Variants in LUC7L2 observed in about 807,000 individuals in gnomAD.
LUC7L2 encodes putative RNA-binding protein Luc7-like 2.
LUC7L2 carries 25 observed loss-of-function variants against 52.8 expected under a neutral mutation model. The ratio of observed to expected loss-of-function variants is 0.47; its 90% CI spans 0.34 to 0.66. The LOEUF (loss-of-function observed/expected upper bound fraction) is 0.66. Among genes scored for constraint, LUC7L2 ranks in the 30% least tolerant of loss-of-function variants. The pLI is 0.01. For synonymous variants in LUC7L2, 144 were observed against 160.9 expected, an observed-to-expected ratio of 0.89 and a Z score of 0.80; for missense variants, 328 against 497.8, an observed-to-expected ratio of 0.66 and a Z score of 3.25.
At chr7:139,420,428 C>G (rs1454011238) in intron 9 of LUC7L2, among the ~76,000 whole-genome samples, 1 of 152,114 alleles carries the variant, frequency 6.6e-6, no homozygotes, top group Non-Finnish European at 1.5e-5. Flanking sequence ...GTCTCAAACT[C>G]CCGACCTCAG....
Position 139,411,810 on chromosome 7 carries a change from C to T in LUC7L2, c.780-741C>T, listed in dbSNP as rs185652942. On this transcript the variant is annotated intron_variant, in intron 7 of 9. Coordinates refer to ENST00000354926, the MANE Select transcript of LUC7L2 (RefSeq NM_016019.5). ...AGATTATAGTATGAGGTTGTAGCTC[C>T]AAGAGTATGTAGATCTCAGACCATA... Among the ~76,000 whole-genome samples the T allele has an allele frequency of 1.2e-3, 186 of 152,084 alleles. 1 individual carries two copies. The highest frequency in any genetic ancestry group is 4.2e-3 in the African/African-American group (175 of 41,476).
rs1029002048 is a variant in LUC7L2 at position 139,422,562 on chromosome 7, C to G, written c.*222C>G. ...AACCTGTAATACAGTTCTGAAAGTACAGTTTTATATAATAAGATGCTGATC... is the reference window on the plus strand; with the variant it reads ...AACCTGTAATACAGTTCTGAAAGTAGAGTTTTATATAATAAGATGCTGATC... On this transcript the variant is annotated 3_prime_UTR_variant, in exon 10 of 10. Transcript: ENST00000354926. 4.4e-6 allele frequency: 4 copies of G among 913,758 alleles called. No homozygotes were observed. Among genetic ancestry groups the G allele is most frequent in the Non-Finnish European group, 5.8e-6 (4 of 688,754 alleles). The allele number at this position is 913,758 out of a possible 1,614,324, so 56.6% of individuals were successfully genotyped here.
chr7:139,390,310 G>T lies in LUC7L2; in HGVS notation c.157-8289G>T, dbSNP rs184433838. On this transcript the variant is annotated intron_variant, in intron 2 of 9. Transcript: ENST00000354926. ...GGGTCTCAATCTGTCCCCCAGGCTG[G>T]AGTGCAGTGGCGCCATCTCCACTCA... Among the ~76,000 whole-genome samples the T allele has an allele frequency of 1.3e-3, 192 of 151,268 alleles. 2 individuals are homozygous for T. The highest frequency in any genetic ancestry group is 1.6e-3 in the East Asian group (8 of 5,150).
chr7:139,340,730 C>T (rs1342312781), intron 1 of LUC7L2: 4 of 383,548 alleles, frequency 1.0e-5, no homozygotes, highest in East Asian at 3.8e-5. Context: ...AAGGCATTGG[C>T]CTCCTAAGCC....
rs966598172 is a variant in LUC7L2, at chr7:139,405,667, T to C, written c.390T>C (p.Asn130=). The C allele has an allele frequency of 2.5e-6, 4 of 1,608,920 alleles. No individual in the cohort carries two copies. Among genetic ancestry groups the C allele is most frequent in the Non-Finnish European group, 3.4e-6 (4 of 1,178,742 alleles). Residue 130 remains asparagine, a synonymous_variant, in exon 5 of 10, where the codon AAT becomes AAC. Coordinates refer to ENST00000354926, the MANE Select transcript of LUC7L2 (RefSeq NM_016019.5). ...AAKAERVHEL[N]EEIGKLLAKV... is the part of the protein sequence containing the mutation. The stretch of plus-strand genomic sequence containing the variant: ...AGGCAGAACGTGTTCATGAGTTAAA[T>C]GAAGAAATTGGTAAATTGTTAGCCA...
chr7:139,412,527 A>G, intron 7 of LUC7L2, 24 bp from the exon 8 acceptor site: 1 of 1,579,726 alleles, frequency 6.3e-7, no homozygotes, highest in Non-Finnish European at 8.5e-7. Context: ...CACTTTTCTA[A>G]AAATACATAT....
At chr7:139,379,600 C>T (rs1197328108) in intron 2 of LUC7L2, among the ~76,000 whole-genome samples, 37 of 101,524 alleles carry the variant, frequency 3.6e-4, no homozygotes, top group Non-Finnish European at 1.1e-4. Flanking sequence ...GACAGATACT[C>T]GCTCTGTTGG....
intron 3 of LUC7L2, among the ~76,000 whole-genome samples, chr7:139,400,161 T>A (rs1480459011): frequency 2.0e-5 from 3 of 152,130 alleles, no homozygotes; most frequent in Admixed American, 2.0e-4. Context: ...TATATTTATA[T>A]CTTCTGATTT....
At chr7:139,406,471 G>C (rs548828493) in intron 5 of LUC7L2, among the ~76,000 whole-genome samples, 3 of 151,450 alleles carry the variant, frequency 2.0e-5, no homozygotes, top group Middle Eastern at 3.4e-3. Context: ...TCTTGCCTCA[G>C]CCTGCTGAGT....
chr7:139,392,274 G>C (rs1347378010), intron 2 of LUC7L2: 2 of 196,192 alleles, frequency 1.0e-5, no homozygotes, highest in Non-Finnish European at 2.2e-5. Context: ...AGTAGTCATG[G>C]TTTGTGCAAA....
chr7:139,381,327 C>T (rs1190352794), intron 2 of LUC7L2, among the ~76,000 whole-genome samples: 3 of 151,454 alleles, frequency 2.0e-5, no homozygotes, highest in Non-Finnish European at 2.9e-5. Flanking sequence ...TAGGCTAGTT[C>T]GTTCTATTTC....
chr7:139,385,094 G>A (rs1351702464), intron 2 of LUC7L2, among the ~76,000 whole-genome samples: 3 of 152,100 alleles, frequency 2.0e-5, no homozygotes, highest in Non-Finnish European at 4.4e-5. Flanking sequence ...GCACTTTTGT[G>A]TATTACTTGT....
intron 1 of LUC7L2, among the ~76,000 whole-genome samples, chr7:139,349,435 G>A (rs945167533): frequency 6.6e-6 from 1 of 152,146 alleles, no homozygotes; most frequent in African/African-American, 2.4e-5. Flanking sequence ...TGAAGTCGGT[G>A]TTAGAAAGAA....
intron 3 of LUC7L2, among the ~76,000 whole-genome samples, chr7:139,400,354 C>A (rs910191782): frequency 6.6e-6 from 1 of 151,984 alleles, no homozygotes; most frequent in Admixed American, 6.6e-5. Context: ...ACTAAAAATA[C>A]AAAAATTAGC....
At chr7:139,350,332 A>G (rs1799413306) in intron 1 of LUC7L2, among the ~76,000 whole-genome samples, 1 of 152,036 alleles carries the variant, frequency 6.6e-6, no homozygotes, top group Non-Finnish European at 1.5e-5. Context: ...CGTGTTAGCC[A>G]GGATGGTCTC....
At chr7:139,350,364 A>T (rs969413598) in intron 1 of LUC7L2, among the ~76,000 whole-genome samples, 2 of 150,832 alleles carry the variant, frequency 1.3e-5, no homozygotes, top group South Asian at 4.2e-4. Flanking sequence ...CTCATGATCC[A>T]CCCGCCTCGA....
At chr7:139,373,932 C>T (rs1001562494) in intron 1 of LUC7L2, among the ~76,000 whole-genome samples, 3 of 151,874 alleles carry the variant, frequency 2.0e-5, no homozygotes, top group Non-Finnish European at 4.4e-5. Context: ...GTTTTTGTTT[C>T]AACTTTAAAA....
chr7:139,354,951 G>C (rs1280689713), upstream of LUC7L2, among the ~76,000 whole-genome samples: 1 of 152,016 alleles, frequency 6.6e-6, no homozygotes, highest in African/African-American at 2.4e-5. Context: ...TGACCACATG[G>C]GGCTCAAGAG....
intron 1 of LUC7L2, chr7:139,341,640 G>C: frequency 6.8e-7 from 1 of 1,478,276 alleles, no homozygotes; most frequent in Admixed American, 2.1e-5. Context: ...CCCTCCCACG[G>C]AGCCCTGGTT....
Sources: allele counts gnomAD v4.1 joint callset (sites outside exome capture counted in the v4.1 genomes callset), GRCh38; gene constraint gnomAD v4.1.1; transcripts MANE v1.5; gene names NCBI Gene and HGNC (gene_info 2026-07-23, HGNC 2026-07-21).